The following DEPTOR variants were observed in gnomAD, a reference collection of about 807,000 sequenced individuals.
DEPTOR encodes the protein DEP domain containing MTOR interacting protein, also known as DEP domain-containing mTOR-interacting protein.
A neutral mutation model predicts 41.6 loss-of-function variants in DEPTOR; 41 were observed. That is an observed-to-expected ratio of 0.98 (90% CI 0.77 to 1.28). The LOEUF (loss-of-function observed/expected upper bound fraction) is 1.28. Among genes scored for constraint, DEPTOR ranks in the 50% most tolerant of loss-of-function variants. The probability of loss-of-function intolerance (pLI) is 0.00; values close to 1 mark genes in which losing one functional copy is unlikely to be tolerated. For synonymous variants in DEPTOR, 195 were observed against 192.3 expected (o/e 1.01, Z -0.12); for missense variants, 514 against 527.9 (o/e 0.97, Z 0.26).
chr8:119,972,821 G>T (rs937167555), intron 4 of DEPTOR, among the ~76,000 whole-genome samples: 7 of 152,108 alleles, frequency 4.6e-5, no homozygotes, highest in African/African-American at 1.4e-4. Flanking sequence ...ACATAGCCTG[G>T]CAGATATTTA....
chr8:120,026,419 T>G (rs2130154886), intron 8 of DEPTOR, among the ~76,000 whole-genome samples: 2 of 151,152 alleles, frequency 1.3e-5, no homozygotes, highest in South Asian at 4.2e-4. Flanking sequence ...CTCGGCTTAC[T>G]GCAACCTCTA....
At chr8:119,880,788 A>G (rs1282521684) in intron 1 of DEPTOR, among the ~76,000 whole-genome samples, 5 of 152,244 alleles carry the variant, frequency 3.3e-5, no homozygotes, top group Non-Finnish European at 5.9e-5. Flanking sequence ...ATGGGAAGAT[A>G]AATTGCAGTT....
chr8:119,953,626 G>A (rs1481344063), intron 3 of DEPTOR, among the ~76,000 whole-genome samples: 2 of 151,206 alleles, frequency 1.3e-5, no homozygotes, highest in Non-Finnish European at 2.9e-5. Context: ...AATATGATTG[G>A]ACAAAAAGGG....
At chr8:120,040,322 A>C (rs1023275242) in intron 8 of DEPTOR, among the ~76,000 whole-genome samples, 5 of 151,950 alleles carry the variant, frequency 3.3e-5, no homozygotes, top group Admixed American at 3.3e-4. Context: ...CACGCCTGTA[A>C]TCCCAGCACT....
In DEPTOR at chr8:119,965,092, T is replaced by C. The variant is rs945460774; in HGVS notation, c.426-140T>C. ...CTGTCTCAAAGAAAGAAAAAAGAAATTACATGTGTGGTGGCACCTGACAGC... is the reference window on the plus strand; with the variant it reads ...CTGTCTCAAAGAAAGAAAAAAGAAACTACATGTGTGGTGGCACCTGACAGC... On this transcript the variant is annotated intron_variant, in intron 3 of 8. Coordinates refer to ENST00000286234, the MANE Select transcript of DEPTOR (RefSeq NM_022783.4). 4.3e-6 allele frequency: 4 copies of C among 922,218 alleles called. No individual in the cohort carries two copies. In the African/African-American group the frequency reaches 6.7e-5, roughly 15 times the overall value. 57.1% of individuals were successfully genotyped at this position (922,218 alleles called of 1,614,324 possible).
chr8:119,882,290 A>T (rs1827308506), intron 1 of DEPTOR, among the ~76,000 whole-genome samples: 1 of 152,310 alleles, frequency 6.6e-6, no homozygotes, highest in Middle Eastern at 3.4e-3. Context: ...TCAAGAGAAG[A>T]GAATGCAAGG....
rs1375896332 is a variant in DEPTOR at position 119,976,681 on chromosome 8, G to C, written c.604+11271G>C. Among the ~76,000 whole-genome samples, 3 of 152,176 alleles carry C rather than the reference G, an allele frequency of 2.0e-5. No individual in the cohort carries two copies. In the East Asian group the frequency reaches 5.8e-4, roughly 29 times the overall value. On this transcript the variant is annotated intron_variant, in intron 4 of 8. Transcript: ENST00000286234. ...AATCCCTTCCAGCCACCTATGGCCA[G>C]GTGAATCAGCTCTGTTTTCTGCATA...
At chr8:119,959,694 C>A (rs1249081867) in intron 3 of DEPTOR, among the ~76,000 whole-genome samples, 9 of 152,082 alleles carry the variant, frequency 5.9e-5, no homozygotes, top group African/African-American at 2.2e-4. Context: ...CCACACCCAA[C>A]CAATTTTTGT....
chr8:119,957,571 A>ATTT (rs33977088), intron 3 of DEPTOR, among the ~76,000 whole-genome samples: 72 of 147,252 alleles, frequency 4.9e-4, no homozygotes, highest in African/African-American at 1.8e-3. Flanking sequence ...GGGTCCTTCT[A>ATTT]TTTTTTTTTT....
rs1389270717 is a variant in DEPTOR, at chr8:120,049,857, T to C, written c.*153T>C. The C allele has an allele frequency of 4.7e-6, 4 of 855,830 alleles. No homozygotes were observed. Among genetic ancestry groups the C allele is most frequent in the African/African-American group, 3.5e-5 (2 of 57,856 alleles). The allele number at this position is 855,830 out of a possible 1,614,324, so 53.0% of individuals were successfully genotyped here. A position where few individuals can be genotyped will look rare whatever the true frequency, so the allele number is the denominator to read the frequency against. On this transcript the variant is annotated 3_prime_UTR_variant, in exon 9 of 9. Coordinates refer to ENST00000286234, the MANE Select transcript of DEPTOR (RefSeq NM_022783.4). Reference sequence around the variant, plus strand: ...ATGTCTAAAGTTGAGTTTTATACACTGAATGTGGAAGAACCGGGTATCATA... The same window carrying C: ...ATGTCTAAAGTTGAGTTTTATACACCGAATGTGGAAGAACCGGGTATCATA...
At chr8:120,049,273 A>C (rs186185280) in intron 8 of DEPTOR, among the ~76,000 whole-genome samples, 131 of 152,176 alleles carry the variant, frequency 8.6e-4, no homozygotes, top group Middle Eastern at 3.4e-3. Flanking sequence ...GGTTGAGGGA[A>C]ATAAAGCTCA....
chr8:120,039,201 A>G (rs1162829776), intron 8 of DEPTOR, among the ~76,000 whole-genome samples: 1 of 152,202 alleles, frequency 6.6e-6, no homozygotes, highest in Non-Finnish European at 1.5e-5. Flanking sequence ...CCCTTCTACC[A>G]TGTGAGGACA....
chr8:119,930,516 T>C (rs1051501951), intron 3 of DEPTOR, among the ~76,000 whole-genome samples: 1 of 152,162 alleles, frequency 6.6e-6, no homozygotes, highest in African/African-American at 2.4e-5. Flanking sequence ...TCATTGCAGG[T>C]GTGAGCCACC....
At chr8:119,955,077 T>G (rs1482248768) in intron 3 of DEPTOR, among the ~76,000 whole-genome samples, 1 of 152,148 alleles carries the variant, frequency 6.6e-6, no homozygotes, top group Non-Finnish European at 1.5e-5. Flanking sequence ...AGGATGGTCT[T>G]GAACTTCCAA....
At chr8:120,013,499 A>C (rs182108300) in intron 8 of DEPTOR, among the ~76,000 whole-genome samples, 1 of 152,318 alleles carries the variant, frequency 6.6e-6, no homozygotes, top group East Asian at 1.9e-4. Flanking sequence ...TGCTATCTTC[A>C]ACTCAGAAAA....
chr8:120,019,285 A>G (rs753275054), intron 8 of DEPTOR, among the ~76,000 whole-genome samples: 5 of 152,194 alleles, frequency 3.3e-5, no homozygotes, highest in Non-Finnish European at 5.9e-5. Context: ...AGCCTGGGCA[A>G]CAAAGTGAGA....
intron 6 of DEPTOR, among the ~76,000 whole-genome samples, chr8:120,004,162 A>G (rs1812398134): frequency 6.6e-6 from 1 of 152,224 alleles, no homozygotes; most frequent in Admixed American, 6.5e-5. Context: ...AAGAATAAGC[A>G]CTAATTGATG....
At position 119,993,852 on chromosome 8, in the gene DEPTOR, T is replaced by C. The variant is rs148410946; in HGVS notation, c.605-7673T>C. ...TTCAGTATGGAGTATTGCATGTTAA[T>C]GTGTAGGAAAAAATCAGGCTGAGGC... On this transcript the variant is annotated intron_variant, in intron 4 of 8. Coordinates refer to ENST00000286234, the MANE Select transcript of DEPTOR (RefSeq NM_022783.4). Among the ~76,000 whole-genome samples the C allele has an allele frequency of 2.0e-5, 3 of 152,180 alleles. No homozygotes were observed. In the East Asian group the frequency reaches 5.8e-4, roughly 29 times the overall value.
intron 4 of DEPTOR, among the ~76,000 whole-genome samples, chr8:119,995,406 T>C (rs1812244804): frequency 6.6e-6 from 1 of 151,912 alleles, no homozygotes; most frequent in Admixed American, 6.6e-5. Context: ...GCCAACATGG[T>C]GAAACCCTGT....
Sources: allele counts gnomAD v4.1 joint callset (sites outside exome capture counted in the v4.1 genomes callset), GRCh38; gene constraint gnomAD v4.1.1; transcripts MANE v1.5; gene names NCBI Gene and HGNC (gene_info 2026-07-23, HGNC 2026-07-21).